SNTB1: variants seen among roughly 807,000 people sequenced by gnomAD.
The protein encoded by SNTB1 is syntrophin beta 1.
In SNTB1, 36 loss-of-function variants were observed where a neutral mutation model predicts 48.9. The ratio of observed to expected loss-of-function variants is 0.74; its 90% CI spans 0.56 to 0.97. The LOEUF is 0.97. SNTB1 is among the 50% of genes least tolerant of loss of function. The pLI is 0.00. For missense variants in SNTB1, 786 were observed against 703.4 expected, an observed-to-expected ratio of 1.12 and a Z score of -1.33; for synonymous variants, 299 against 294.6, an observed-to-expected ratio of 1.01 and a Z score of -0.15.
chr8:120,577,807 G>A (rs574925048), intron 3 of SNTB1, among the ~76,000 whole-genome samples: 6 of 152,320 alleles, frequency 3.9e-5, no homozygotes, highest in African/African-American at 1.2e-4. Flanking sequence ...AGTGGTATAT[G>A]TAGGTTTAAA....
chr8:120,576,887 A>G (rs1466218993), intron 3 of SNTB1, among the ~76,000 whole-genome samples: 2 of 152,188 alleles, frequency 1.3e-5, no homozygotes, highest in African/African-American at 4.8e-5. Flanking sequence ...GTAAAGTAGC[A>G]CTTACCTCAT....
chr8:120,740,401 A>G (rs1344183228), intron 1 of SNTB1, among the ~76,000 whole-genome samples: 1 of 152,242 alleles, frequency 6.6e-6, no homozygotes, highest in Admixed American at 6.5e-5. Context: ...AATCACAATA[A>G]TAATAACTAA....
rs557601484 is a variant in SNTB1, at chr8:120,537,022, T to C, written c.*1855A>G. The stretch of plus-strand genomic sequence containing the variant: ...AAATATATAGTGAAAGAGTGCAATA[T>C]AATTTACAAATGCATCAAAGCTTTT... On this transcript the variant is annotated 3_prime_UTR_variant, in exon 7 of 7. Transcript: ENST00000517992. 6.6e-6 allele frequency: 1 copy of C among 152,156 alleles called. No homozygotes were observed. Among genetic ancestry groups the C allele is most frequent in the East Asian group, 1.9e-4 (1 of 5,188 alleles). 9.4% of individuals were successfully genotyped at this position (152,156 alleles called of 1,614,324 possible).
intron 1 of SNTB1, among the ~76,000 whole-genome samples, chr8:120,750,141 T>G (rs1181083906): frequency 9.2e-6 from 1 of 108,202 alleles, no homozygotes; most frequent in Non-Finnish European, 1.9e-5. Context: ...CCTCCTTCCC[T>G]ACGTCCCTCC....
In SNTB1 at chr8:120,603,278, C is replaced by A. The variant is rs946050696; in HGVS notation, c.997-28053G>T. ...CCATGCCCGGGTAATTTTTGTATTT[C>A]TGGTAGAGATGGGGTTTCCCCATAT... On this transcript the variant is annotated intron_variant, in intron 3 of 6. Coordinates refer to ENST00000517992, the MANE Select transcript of SNTB1 (RefSeq NM_021021.4). 3.4e-4 allele frequency among the ~76,000 whole-genome samples: 52 copies of A among 151,890 alleles called. 1 individual carries two copies. The highest frequency in any genetic ancestry group is 3.4e-3 in the Admixed American group (52 of 15,238).
chr8:120,588,220 T>TA (rs1018773733), intron 3 of SNTB1, among the ~76,000 whole-genome samples: 2 of 152,202 alleles, frequency 1.3e-5, no homozygotes, highest in African/African-American at 4.8e-5. Flanking sequence ...AAGAAAATGT[T>TA]AAAATGTAGG....
At chr8:120,763,471 T>G (rs1380218927) in intron 1 of SNTB1, among the ~76,000 whole-genome samples, 1 of 152,162 alleles carries the variant, frequency 6.6e-6, no homozygotes, top group African/African-American at 2.4e-5. Flanking sequence ...AAAACAAAAC[T>G]AACTAGGAAA....
intron 2 of SNTB1, among the ~76,000 whole-genome samples, chr8:120,634,690 T>C (rs78604086): frequency 0.013 from 1,936 of 152,276 alleles, 16 homozygotes; most frequent in Middle Eastern, 0.034. Context: ...ATTTTGCAGA[T>C]GGCCTGAGAG....
intron 1 of SNTB1, among the ~76,000 whole-genome samples, chr8:120,708,293 T>G (rs1445741428): frequency 1.3e-5 from 2 of 151,658 alleles, no homozygotes; most frequent in East Asian, 3.9e-4. Context: ...TAAAAATAAT[T>G]TTAAAATTTA....
intron 2 of SNTB1, among the ~76,000 whole-genome samples, chr8:120,658,325 A>G (rs1817532004): frequency 6.6e-6 from 1 of 152,188 alleles, no homozygotes; most frequent in South Asian, 2.1e-4. Context: ...GGAAGGATTT[A>G]AAGAGAATCT....
intron 1 of SNTB1, among the ~76,000 whole-genome samples, chr8:120,808,517 A>G (rs779590663): frequency 6.6e-6 from 1 of 152,232 alleles, no homozygotes; most frequent in Non-Finnish European, 1.5e-5. Flanking sequence ...GAGAAGGGAT[A>G]GTTTCATGTT....
At chr8:120,663,343 C>T (rs942727928) in intron 2 of SNTB1, among the ~76,000 whole-genome samples, 1 of 152,158 alleles carries the variant, frequency 6.6e-6, no homozygotes, top group Non-Finnish European at 1.5e-5. Context: ...CCAAGAAGAG[C>T]AGCAGCCTGA....
chr8:120,692,108 C>T (rs1818138816), intron 2 of SNTB1, among the ~76,000 whole-genome samples: 1 of 152,170 alleles, frequency 6.6e-6, no homozygotes. Flanking sequence ...TCTTGTACAA[C>T]TGGCCAATCC....
At chr8:120,721,874 C>A (rs1180897192) in intron 1 of SNTB1, among the ~76,000 whole-genome samples, 1 of 37,502 alleles carries the variant, frequency 2.7e-5, no homozygotes, top group African/African-American at 1.0e-4. Flanking sequence ...TCTCCCAATG[C>A]TATCCCCTCC....
chr8:120,679,319 A>T (rs796418636), intron 2 of SNTB1, among the ~76,000 whole-genome samples: 14 of 152,330 alleles, frequency 9.2e-5, no homozygotes, highest in African/African-American at 3.4e-4. Context: ...TTGGAAATCC[A>T]GTAAGGAACA....
rs533716378 is a variant in SNTB1 at position 120,777,303 on chromosome 8, A to G, written c.571+33970T>C. On this transcript the variant is annotated intron_variant, in intron 1 of 6. Coordinates refer to ENST00000517992, the MANE Select transcript of SNTB1 (RefSeq NM_021021.4). ...GCATCACAATCTTGACACTACAAGT[A>G]TCTGTTCCCCACCCAACTGAGCAGA... Among the ~76,000 whole-genome samples the G allele has an allele frequency of 7.9e-5, 12 of 152,358 alleles. 1 individual carries two copies. The Middle Eastern group carries it at 0.01, about 130-fold the overall frequency.
At chr8:120,638,568 C>G (rs1203934538) in intron 2 of SNTB1, among the ~76,000 whole-genome samples, 1 of 152,074 alleles carries the variant, frequency 6.6e-6, no homozygotes, top group Non-Finnish European at 1.5e-5. Context: ...CCCCTCACCC[C>G]ACGACAGGCC....
chr8:120,772,894 G>A (rs891887613), intron 1 of SNTB1, among the ~76,000 whole-genome samples: 1 of 152,060 alleles, frequency 6.6e-6, no homozygotes, highest in African/African-American at 2.4e-5. Context: ...GAGGCAACCC[G>A]ACCAGGTAAC....
intron 1 of SNTB1, among the ~76,000 whole-genome samples, chr8:120,739,848 C>T (rs56859072): frequency 0.13 from 19,926 of 152,080 alleles, 1,702 homozygotes; most frequent in African/African-American, 0.23. Context: ...GGGGAAGTGT[C>T]GCTATTACTC....
Sources: gnomAD v4.1 joint callset for allele counts (sites outside exome capture counted in the v4.1 genomes callset) on GRCh38, gnomAD v4.1.1 for gene constraint, MANE v1.5 for transcripts, NCBI Gene and HGNC (gene_info 2026-07-23, HGNC 2026-07-21) for gene names.